The following TMEM67 variants were observed in gnomAD, a reference collection of about 807,000 sequenced individuals.
TMEM67 encodes meckelin.
TMEM67 carries 124 observed loss-of-function variants against 136.6 expected under a neutral mutation model. The ratio of observed to expected loss-of-function variants is 0.91; its 90% CI spans 0.78 to 1.05. TMEM67 has a LOEUF of 1.05. Ranked by LOEUF, TMEM67 falls within the 50% of genes least tolerant of loss-of-function variation. The probability of loss-of-function intolerance (pLI) is 0.00; values close to 1 mark genes in which losing one functional copy is unlikely to be tolerated. For synonymous variants in TMEM67, 364 were observed against 390.5 expected (o/e 0.93, Z 0.80); for missense variants, 1,107 against 1,178.4 (o/e 0.94, Z 0.89).
intron 10 of TMEM67, 151 bp from the exon 11 acceptor site, chr8:93,782,244 A>C (rs1218449993): frequency 7.5e-6 from 5 of 662,818 alleles, no homozygotes; most frequent in Non-Finnish European, 1.3e-5. Context: ...TATGACTTTC[A>C]TTTATAACAG....
chr8:93,793,023 G>A lies in TMEM67; in HGVS notation c.1576-175G>A, dbSNP rs574096256. Among the ~76,000 whole-genome samples, 12 of 151,208 alleles carry A rather than the reference G, an allele frequency of 7.9e-5. No homozygotes were observed. In the East Asian group the frequency reaches 1.2e-3, roughly 15 times the overall value. On this transcript the variant is annotated intron_variant, in intron 15 of 27. Transcript: ENST00000453321. Reference sequence around the variant, plus strand: ...CCTGACCTCATGATCCGCCTGCCTCGGCCTCCCAAAGTGCTGGGATTACAG... The same window carrying A: ...CCTGACCTCATGATCCGCCTGCCTCAGCCTCCCAAAGTGCTGGGATTACAG...
chr8:93,756,384 T>A (rs565675325), intron 2 of TMEM67: 2 of 152,256 alleles, frequency 1.3e-5, no homozygotes, highest in Admixed American at 6.5e-5. Flanking sequence ...TATCGTAATT[T>A]AAAAAAAATT....
Position 93,809,203 on chromosome 8 carries a change from A to G in TMEM67, c.2661+42A>G, listed in dbSNP as rs73694968. 3.1e-3 allele frequency: 3,745 copies of G among 1,212,058 alleles called. 89 individuals carry two copies. In the African/African-American group the frequency reaches 0.048, roughly 15 times the overall value. The allele number at this position is 1,212,058 out of a possible 1,614,324, so 75.1% of individuals were successfully genotyped here. ...TTATATTTAAGCTGGGATCAAATGC[A>G]ATTTTTAAAAAGTTAAGTGGGAATG... On this transcript the variant is annotated intron_variant, in intron 25 of 27. Coordinates refer to ENST00000453321, the MANE Select transcript of TMEM67 (RefSeq NM_153704.6).
At chr8:93,832,459 T>C in the TMEM67 span, among the ~76,000 whole-genome samples, 1 of 152,172 alleles carries the variant, frequency 6.6e-6, no homozygotes, top group Admixed American at 6.5e-5. Context: ...AGAATATGCC[T>C]TGGAGAGATC....
At chr8:93,812,389 A>G (rs932676553) in intron 26 of TMEM67, among the ~76,000 whole-genome samples, 1 of 152,186 alleles carries the variant, frequency 6.6e-6, no homozygotes, top group Non-Finnish European at 1.5e-5. Flanking sequence ...AGGCCAAGGC[A>G]GGCGGTCACT....
chr8:93,754,958 C>A lies in TMEM67; in HGVS notation c.44C>A (p.Ser15Tyr). 2.5e-6 allele frequency: 4 copies of A among 1,614,120 alleles called. No individual in the cohort carries two copies. The highest frequency in any genetic ancestry group is 3.4e-6 in the Non-Finnish European group (4 of 1,180,016). Reference sequence around the variant, plus strand: ...GCTGGGGTGGCAATGGCGGTTTGGTCCCTCTTATCCGCCCGGGCCGTGACC... The same window carrying A: ...GCTGGGGTGGCAATGGCGGTTTGGTACCTCTTATCCGCCCGGGCCGTGACC... The part of the protein sequence containing the change: ...GGAGVAMAVW[S>Y]LLSARAVTAF... The change falls in exon 1 of 28, where the codon TCC (serine) becomes TAC (tyrosine). Residue 15 changes from serine to tyrosine, a missense_variant. By Grantham distance (144) the Ser-to-Tyr change is moderately radical. Transcript: ENST00000453321.
chr8:93,793,885 G>GTT (rs571916909), intron 16 of TMEM67, among the ~76,000 whole-genome samples: 1 of 150,078 alleles, frequency 6.7e-6, no homozygotes, highest in Non-Finnish European at 1.5e-5. Context: ...TTTCATTTTT[G>GTT]TTTTTTTTTG....
At position 93,782,510 on chromosome 8, in the gene TMEM67, T is replaced by C. The variant is rs770565790; in HGVS notation, c.1131+50T>C. 46 of 1,424,098 alleles carry C rather than the reference T, an allele frequency of 3.2e-5. No individual in the cohort carries two copies. In the South Asian group the frequency reaches 3.6e-4, roughly 11 times the overall value. 88.2% of individuals were successfully genotyped at this position (1,424,098 alleles called of 1,614,324 possible). ...TATTTTAGCTTTATTTTTCAAAATA[T>C]CATGTCAGCAGTAATTGGAATAATA... is the stretch of plus-strand genomic sequence containing the variant. On this transcript the variant is annotated intron_variant, in intron 11 of 27. Coordinates refer to ENST00000453321, the MANE Select transcript of TMEM67 (RefSeq NM_153704.6).
rs973374114 is a variant in TMEM67, at chr8:93,795,474, G to C, written c.1740G>C (p.Val580=). 1.2e-6 allele frequency: 2 copies of C among 1,613,852 alleles called. No homozygotes were observed. The highest frequency in any genetic ancestry group is 1.7e-6 in the Non-Finnish European group (2 of 1,179,964). ...CCAATGTTTTCTTTATCATCACAGT[G>C]GGAACAGGTCTTTACTGGCTTATTT... is the stretch of plus-strand genomic sequence containing the variant. ...DLANVFFIIT[V]GTGLYWLIFF... The change falls in exon 17 of 28, where the codon GTG becomes GTC. Residue 580 remains valine (V), a synonymous_variant. Coordinates refer to ENST00000453321, the MANE Select transcript of TMEM67 (RefSeq NM_153704.6).
chr8:93,772,918 C>G (rs1434902838), intron 7 of TMEM67, among the ~76,000 whole-genome samples: 8 of 152,052 alleles, frequency 5.3e-5, no homozygotes, highest in Non-Finnish European at 1.0e-4. Flanking sequence ...TTATTGATGA[C>G]CTACTGTGTG....
intron 27 of TMEM67, among the ~76,000 whole-genome samples, chr8:93,816,080 GT>G (rs2130801732): frequency 6.6e-6 from 1 of 152,268 alleles, no homozygotes; most frequent in African/African-American, 2.4e-5. Flanking sequence ...TGTTTCCGTA[GT>G]TTTAGACTTA....
chr8:93,781,964 G>GC (rs1326940067), intron 10 of TMEM67, among the ~76,000 whole-genome samples: 1 of 151,856 alleles, frequency 6.6e-6, no homozygotes, highest in East Asian at 1.9e-4. Context: ...TCTTAACCAG[G>GC]CTGGAGTGCA....
At chr8:93,755,909 G>T (rs1189360404) in intron 2 of TMEM67, 43 bp downstream of exon 2, 1 of 1,081,354 alleles carries the variant, frequency 9.2e-7, no homozygotes, top group Admixed American at 1.8e-5. Context: ...GTAAAAAGTA[G>T]TAAGTTAAAT....
intron 6 of TMEM67, among the ~76,000 whole-genome samples, chr8:93,766,591 G>T (rs1813093447): frequency 6.6e-6 from 1 of 152,142 alleles, no homozygotes; most frequent in African/African-American, 2.4e-5. Flanking sequence ...GTTACAATAG[G>T]AATTACTGAA....
At chr8:93,762,506 C>T (rs1197940781) in intron 3 of TMEM67, among the ~76,000 whole-genome samples, 2 of 151,690 alleles carry the variant, frequency 1.3e-5, no homozygotes, top group African/African-American at 2.4e-5. Context: ...CTTATTTTTT[C>T]AGAGACGTGG....
At chr8:93,804,414 A>G (rs1434788667) in intron 22 of TMEM67, among the ~76,000 whole-genome samples, 2 of 142,184 alleles carry the variant, frequency 1.4e-5, no homozygotes, top group Non-Finnish European at 3.0e-5. Flanking sequence ...TCCTGAGTTC[A>G]AGCTTTCCTC....
intron 4 of TMEM67, 72 bp from the exon 5 acceptor site, chr8:93,765,334 A>G: frequency 2.4e-6 from 3 of 1,251,400 alleles, no homozygotes; most frequent in Non-Finnish European, 3.4e-6. Context: ...CATTGTTTAG[A>G]AAGACAGCTT....
chr8:93,807,213 GTGTT>G (rs1815192353), intron 23 of TMEM67, among the ~76,000 whole-genome samples: 2 of 152,246 alleles, frequency 1.3e-5, no homozygotes, highest in South Asian at 4.1e-4. Flanking sequence ...CTTCTGGAAA[GTGTT>G]TGGGCAATGT....
rs904791131 is a variant in TMEM67 at position 93,781,869 on chromosome 8, T to C, written c.1065+125T>C. On this transcript the variant is annotated intron_variant, in intron 10 of 27. Coordinates refer to ENST00000453321, the MANE Select transcript of TMEM67 (RefSeq NM_153704.6). ...ATACTACAGTTGATTTTTTTTCTGA[T>C]GCTTTAAATTAGACTTTCTTAAGTT... 4 of 536,946 alleles carry C rather than the reference T, an allele frequency of 7.4e-6. No individual in the cohort carries two copies. The Admixed American group carries it at 1.5e-4, about 20-fold the overall frequency. The allele number at this position is 536,946 out of a possible 1,614,324, so 33.3% of individuals were successfully genotyped here.
Sources: allele counts gnomAD v4.1 joint callset (sites outside exome capture counted in the v4.1 genomes callset), GRCh38; gene constraint gnomAD v4.1.1; transcripts MANE v1.5; gene names NCBI Gene and HGNC (gene_info 2026-07-23, HGNC 2026-07-21).